CNP: variants seen among roughly 807,000 people sequenced by gnomAD.
The protein encoded by CNP is 2',3'-cyclic-nucleotide 3'-phosphodiesterase.
In CNP, 8 loss-of-function variants were observed where a neutral mutation model predicts 37.9. That is an observed-to-expected ratio of 0.21 (90% confidence interval 0.12 to 0.38). The LOEUF (loss-of-function observed/expected upper bound fraction) is 0.38, where lower values mean the gene tolerates loss of function less well. CNP is among the 10% of genes least tolerant of loss of function. CNP has a pLI of 1.00. For missense variants in CNP, 457 were observed against 551.0 expected (o/e 0.83, Z 1.71); for synonymous variants, 237 against 238.3 (o/e 0.99, Z 0.05).
At position 41,977,056 on chromosome 17, in the gene CNP, G is replaced by A. The variant is rs868984187; in HGVS notation, c.*3132G>A. 8 of 651,530 alleles carry A rather than the reference G, an allele frequency of 1.2e-5. No individual in the cohort carries two copies. The highest frequency in any genetic ancestry group is 2.7e-5 in the East Asian group (1 of 36,680). The allele number at this position is 651,530 out of a possible 1,614,324, so 40.4% of individuals were successfully genotyped here. A position where few individuals can be genotyped will look rare whatever the true frequency, so the allele number is the denominator to read the frequency against. On this transcript the variant is annotated 3_prime_UTR_variant, in exon 4 of 4. Coordinates refer to ENST00000393892, the MANE Select transcript of CNP (RefSeq NM_033133.5). ...TGCCTCCCTGACCCTGCAGAGATGC[G>A]GTGGCTAAAGGTCCCAAGGCAAGGG... is the stretch of plus-strand genomic sequence containing the variant.
chr17:41,973,385 T>C lies in CNP; in HGVS notation c.817-90T>C, dbSNP rs1359295878. On this transcript the variant is annotated intron_variant, in intron 3 of 3. Transcript: ENST00000393892. ...TGCTCACTTCTGTTAGACTTCCCCT[T>C]CTCTCCTCCAGGAGGGACCCTCCCT... 7.2e-6 allele frequency: 9 copies of C among 1,244,284 alleles called. 1 individual carries two copies. The Admixed American group carries it at 1.8e-4, about 25-fold the overall frequency. 77.1% of individuals were successfully genotyped at this position (1,244,284 alleles called of 1,614,324 possible).
intron 3 of CNP, among the ~76,000 whole-genome samples, chr17:41,972,698 C>G: frequency 6.6e-6 from 1 of 152,244 alleles, no homozygotes; most frequent in African/African-American, 2.4e-5. Context: ...CCCCTGAGGG[C>G]GAGTTTTTAA....
At position 41,971,923 on chromosome 17, in the gene CNP, G is replaced by A. The variant is rs377734705; in HGVS notation, c.708G>A (p.Met236Ile). The A allele has an allele frequency of 8.6e-5, 139 of 1,613,804 alleles. 1 individual carries two copies. The East Asian group carries it at 8.7e-4, about 10-fold the overall frequency. Residue 236 changes from methionine to isoleucine, a missense_variant, in exon 3 of 4, where the codon ATG becomes ATA. Transcript: ENST00000393892. ...FVPGDEPREKMDLVTYFGKRP... is the reference protein window; with the variant it reads ...FVPGDEPREKIDLVTYFGKRP... The stretch of plus-strand genomic sequence containing the variant: ...CTGGGGATGAGCCCAGGGAGAAGAT[G>A]GACTTGGTCACCTACTTTGGAAAGA...
chr17:41,972,171 C>G (rs1420495109), intron 3 of CNP, 140 bp downstream of exon 3: 1 of 1,031,596 alleles, frequency 9.7e-7, no homozygotes, highest in Non-Finnish European at 1.4e-6. Context: ...TCTCCTCCTC[C>G]TAGCTCCCCT....
chr17:41,969,393 T>C (rs2050951387), intron 2 of CNP, among the ~76,000 whole-genome samples: 1 of 152,162 alleles, frequency 6.6e-6, no homozygotes, highest in Admixed American at 6.5e-5. Flanking sequence ...CCCTGGACTC[T>C]GGCCACTCTA....
In CNP at chr17:41,974,698, C is replaced by G. The variant is rs1382367885; in HGVS notation, c.*774C>G. 1 of 152,308 alleles carries G rather than the reference C, an allele frequency of 6.6e-6. No individual in the cohort carries two copies. The highest frequency in any genetic ancestry group is 2.4e-5 in the African/African-American group (1 of 41,476). The allele number at this position is 152,308 out of a possible 1,614,324, so 9.4% of individuals were successfully genotyped here. ...TTGATAACTAGGGAAGAAAGCAGAA[C>G]AGTTAAGCAGCCGCCACATCCCCGC... On this transcript the variant is annotated 3_prime_UTR_variant, in exon 4 of 4. Coordinates refer to ENST00000393892, the MANE Select transcript of CNP (RefSeq NM_033133.5).
At chr17:41,967,295 C>T (rs1444029068) in intron 1 of CNP, 5 of 176,546 alleles carry the variant, frequency 2.8e-5, no homozygotes, top group Non-Finnish European at 5.9e-5. Flanking sequence ...GAGGTGGAGC[C>T]AGTTCAGAGG....
chr17:41,967,112 C>G (rs1435585496), intron 1 of CNP: 1 of 431,366 alleles, frequency 2.3e-6, no homozygotes, highest in Admixed American at 4.5e-5. Flanking sequence ...CAGGAGGGAA[C>G]TCGGGACCGC....
At chr17:41,972,613 C>G (rs565781898) in intron 3 of CNP, among the ~76,000 whole-genome samples, 3 of 152,284 alleles carry the variant, frequency 2.0e-5, no homozygotes, top group South Asian at 2.1e-4. Flanking sequence ...ACCCCCAAGC[C>G]CACTCTCCCA....
At chr17:41,969,392 C>G (rs2050951342) in intron 2 of CNP, among the ~76,000 whole-genome samples, 2 of 152,164 alleles carry the variant, frequency 1.3e-5, no homozygotes, top group South Asian at 4.1e-4. Flanking sequence ...ACCCTGGACT[C>G]TGGCCACTCT....
Position 41,968,531 on chromosome 17 carries a change from T to G in CNP, c.467T>G (p.Leu156Arg). ...VLVEPKTAWR[L>R]DCAQLKEKNQ... is the part of the protein sequence containing the mutation. ...GTGGAGCCCAAGACGGCGTGGCGGC[T>G]GGACTGTGCCCAGCTCAAGGAGAAG... Residue 156 changes from leucine to arginine, a missense_variant, in exon 2 of 4, where the codon CTG (leucine) becomes CGG (arginine). This residue lies in a region of CNP where 166 missense variants were observed against 259.3 expected (regional missense o/e 0.64). Transcript: ENST00000393892. The surrounding 1 kb of genome is among the most constrained non-coding windows in gnomAD (Gnocchi z 4.8). The G allele has an allele frequency of 6.2e-7, 1 of 1,614,100 alleles. No homozygotes were observed. The highest frequency in any genetic ancestry group is 2.2e-5 in the East Asian group (1 of 44,886).
In CNP at chr17:41,973,980, TCTG is replaced by T; in HGVS notation, c.*57_*59del. 2.4e-6 allele frequency: 3 copies of T among 1,265,548 alleles called. No homozygotes were observed. The highest frequency in any genetic ancestry group is 3.1e-6 in the Non-Finnish European group (3 of 959,712). The allele number at this position is 1,265,548 out of a possible 1,614,324, so 78.4% of individuals were successfully genotyped here. ...GGGAAGGGGAGAGGGAAACGTGCCC[TCTG>T]TTTGATCCTTGTTTTGTGACATTTT... On this transcript the variant is annotated 3_prime_UTR_variant, in exon 4 of 4. Transcript: ENST00000393892.
chr17:41,976,805 G>C lies in CNP; in HGVS notation c.*2881G>C, dbSNP rs782068251. Reference sequence around the variant, plus strand: ...AAAAGAGGGGTTGGTAGTTGGCTATGGATTTTCTAAGGAAGATCACTTTGC... The same window carrying C: ...AAAAGAGGGGTTGGTAGTTGGCTATCGATTTTCTAAGGAAGATCACTTTGC... On this transcript the variant is annotated 3_prime_UTR_variant, in exon 4 of 4. Transcript: ENST00000393892. 1.2e-6 allele frequency: 2 copies of C among 1,600,078 alleles called. No individual in the cohort carries two copies. Among genetic ancestry groups the C allele is most frequent in the East Asian group, 4.5e-5 (2 of 44,744 alleles).
intron 1 of CNP, 51 bp downstream of exon 1, chr17:41,966,938 A>C (rs1483840022): frequency 7.8e-7 from 1 of 1,289,210 alleles, no homozygotes; most frequent in African/African-American, 1.6e-5. Context: ...GCGGGAAACG[A>C]GTGTCGGGGC....
rs2051078832 is a variant in CNP at position 41,976,402 on chromosome 17, A to G, written c.*2478A>G. 3.5e-6 allele frequency: 1 copy of G among 286,138 alleles called. No individual in the cohort carries two copies. Among genetic ancestry groups the G allele is most frequent in the Non-Finnish European group, 6.5e-6 (1 of 152,840 alleles). 17.7% of individuals were successfully genotyped at this position (286,138 alleles called of 1,614,324 possible). ...GGTCGGGCTCAGCTCTGGCTCACAG[A>G]CTGGAGACAATGCAGATGCCAGAGC... On this transcript the variant is annotated 3_prime_UTR_variant, in exon 4 of 4. Coordinates refer to ENST00000393892, the MANE Select transcript of CNP (RefSeq NM_033133.5).
In CNP at chr17:41,976,762, G is replaced by A; in HGVS notation, c.*2838G>A. On this transcript the variant is annotated 3_prime_UTR_variant, in exon 4 of 4. Transcript: ENST00000393892. ...CCAAATTGAAAAAAGAAATTCCCTG[G>A]ACCAGATGCTGAAAGAGAAAAGAGG... is the stretch of plus-strand genomic sequence containing the variant. 1 of 1,610,934 alleles carries A rather than the reference G, an allele frequency of 6.2e-7. No individual in the cohort carries two copies.
rs534125948 is a variant in CNP at position 41,975,170 on chromosome 17, T to C, written c.*1246T>C. 28 of 152,566 alleles carry C rather than the reference T, an allele frequency of 1.8e-4. No individual in the cohort carries two copies. The highest frequency in any genetic ancestry group is 6.3e-4 in the African/African-American group (26 of 41,576). The allele number at this position is 152,566 out of a possible 1,614,324, so 9.5% of individuals were successfully genotyped here. A position where few individuals can be genotyped will look rare whatever the true frequency, so the allele number is the denominator to read the frequency against. On this transcript the variant is annotated 3_prime_UTR_variant, in exon 4 of 4. Coordinates refer to ENST00000393892, the MANE Select transcript of CNP (RefSeq NM_033133.5). ...CTGATAATGAAATAAATCATGTTAA[T>C]CCTAGCTGTGTGCAGTCTCTCTTAC...
chr17:41,972,080 AG>A, intron 3 of CNP, 49 bp downstream of exon 3: 1 of 1,600,868 alleles, frequency 6.2e-7, no homozygotes, highest in Non-Finnish European at 8.5e-7. Flanking sequence ...TTGGGGGAGA[AG>A]GGGCTGCAGC....
Position 41,968,730 on chromosome 17 carries a change from G to T in CNP, c.666G>T (p.Glu222Asp). 6.2e-7 allele frequency: 1 copy of T among 1,609,186 alleles called. No homozygotes were observed. The change falls in exon 2 of 4, where the codon GAG becomes GAT. Residue 222 changes from glutamate (E) to aspartate (D), a missense_variant. By Grantham distance (45) the Glu-to-Asp change is conservative. Coordinates refer to ENST00000393892, the MANE Select transcript of CNP (RefSeq NM_033133.5). This position sits in a 1 kb window ranked among gnomAD's most constrained non-coding sequence, Gnocchi z 4.8. ...ELGNHKAFKK[E>D]LRQFVPGDEP... Reference sequence around the variant, plus strand: ...GGAACCACAAGGCCTTCAAGAAGGAGCTGCGACAATGTAGGTGGCAGGTTG... The same window carrying T: ...GGAACCACAAGGCCTTCAAGAAGGATCTGCGACAATGTAGGTGGCAGGTTG...
Sources: allele counts gnomAD v4.1 joint callset (sites outside exome capture counted in the v4.1 genomes callset), GRCh38; gene constraint gnomAD v4.1.1; regional missense constraint gnomAD v4.1.1; non-coding constraint Gnocchi (gnomAD v3.1); transcripts MANE v1.5; gene names NCBI Gene and HGNC (gene_info 2026-07-23, HGNC 2026-07-21).